The following RBMS3 variants were observed in gnomAD, a reference collection of about 807,000 sequenced individuals.
RBMS3 encodes the protein RNA-binding motif, single-stranded-interacting protein 3.
RBMS3 carries 27 observed loss-of-function variants against 66.8 expected under a neutral mutation model. The observed-to-expected ratio is 0.40, with a 90% CI of 0.30 to 0.56. RBMS3 has a LOEUF of 0.56. RBMS3 is among the 20% of genes least tolerant of loss of function. RBMS3 has a pLI of 0.40. For missense variants in RBMS3, 513 were observed against 549.5 expected (o/e 0.93, Z 0.66); for synonymous variants, 188 against 183.0 (o/e 1.03, Z -0.22).
chr3:29,724,537 C>T (rs10510625), intron 4 of RBMS3, among the ~76,000 whole-genome samples: 33,128 of 151,994 alleles, frequency 0.22, 4,448 homozygotes, highest in African/African-American at 0.37. Flanking sequence ...ATTACATGTT[C>T]ACAGCTCATG....
At chr3:29,548,745 C>T (rs2046069905) in intron 3 of RBMS3, among the ~76,000 whole-genome samples, 1 of 151,942 alleles carries the variant, frequency 6.6e-6, no homozygotes, top group Non-Finnish European at 1.5e-5. Context: ...CAGTCCTCAA[C>T]ATCCAACTCT....
chr3:29,968,269 C>T (rs1393978697), intron 12 of RBMS3, among the ~76,000 whole-genome samples: 1 of 152,182 alleles, frequency 6.6e-6, no homozygotes, highest in Non-Finnish European at 1.5e-5. Context: ...GGCTTTCTGC[C>T]TCCCAGCTGC....
intron 8 of RBMS3, among the ~76,000 whole-genome samples, chr3:29,885,623 A>G (rs1224228440): frequency 6.6e-6 from 1 of 151,956 alleles, no homozygotes; most frequent in African/African-American, 2.4e-5. Context: ...TTATAAATTT[A>G]TATTGGAAAT....
intron 3 of RBMS3, among the ~76,000 whole-genome samples, chr3:29,552,111 G>A (rs2046199295): frequency 6.6e-6 from 1 of 152,138 alleles, no homozygotes; most frequent in African/African-American, 2.4e-5. Flanking sequence ...TGAAAATCAA[G>A]TTTAAAAATA....
chr3:29,722,324 A>T (rs569214760), intron 4 of RBMS3, among the ~76,000 whole-genome samples: 1 of 152,150 alleles, frequency 6.6e-6, no homozygotes, highest in East Asian at 1.9e-4. Context: ...CTCTATTAAT[A>T]TATACATATT....
intron 4 of RBMS3, among the ~76,000 whole-genome samples, chr3:29,686,978 A>G (rs2051760413): frequency 6.6e-6 from 1 of 152,182 alleles, no homozygotes; most frequent in Admixed American, 6.5e-5. Context: ...AATGGCAGGT[A>G]CTGGCTAGAT....
chr3:29,505,506 G>GTTTTTTTTTTTTTT (rs749285833), intron 3 of RBMS3, among the ~76,000 whole-genome samples: 1 of 107,294 alleles, frequency 9.3e-6, no homozygotes, highest in African/African-American at 3.5e-5. Context: ...CTTCAATTTT[G>GTTTTTTTTTTTTTT]TTTTTTTTTT....
chr3:29,388,074 C>A (rs1473340256), intron 1 of RBMS3, among the ~76,000 whole-genome samples: 1 of 118,072 alleles, frequency 8.5e-6, no homozygotes, highest in Admixed American at 9.6e-5. Flanking sequence ...AAACTGTCTA[C>A]ACACACACAG....
chr3:29,400,983 G>T (rs553951203), intron 1 of RBMS3, among the ~76,000 whole-genome samples: 2 of 152,168 alleles, frequency 1.3e-5, no homozygotes, highest in African/African-American at 2.4e-5. Flanking sequence ...ACCATGGAAG[G>T]TTTTAGGATA....
intron 4 of RBMS3, among the ~76,000 whole-genome samples, chr3:29,593,459 A>G (rs2047831064): frequency 6.6e-6 from 1 of 152,190 alleles, no homozygotes; most frequent in Admixed American, 6.5e-5. Context: ...GGAAGGAAAG[A>G]GGCATTGTTC....
chr3:29,384,462 G>GAAGAAGAAGAAGA (rs1427872812), intron 1 of RBMS3, among the ~76,000 whole-genome samples: 6 of 151,542 alleles, frequency 4.0e-5, no homozygotes, highest in Admixed American at 6.6e-5. Context: ...AGAAGAAGAA[G>GAAGAAGAAGAAGA]AAGAATCCAG....
intron 6 of RBMS3, among the ~76,000 whole-genome samples, chr3:29,831,315 C>T (rs1046440964): frequency 2.6e-5 from 4 of 152,114 alleles, no homozygotes; most frequent in Non-Finnish European, 2.9e-5. Context: ...AGTTACAGCC[C>T]TGCTTTTCTT....
chr3:29,694,251 CT>C (rs1267676236), intron 4 of RBMS3, among the ~76,000 whole-genome samples: 1 of 152,110 alleles, frequency 6.6e-6, no homozygotes, highest in African/African-American at 2.4e-5. Flanking sequence ...ATTATGTCAT[CT>C]TTTTGTCACA....
intron 1 of RBMS3, among the ~76,000 whole-genome samples, chr3:29,312,268 A>AT (rs1278801216): frequency 3.7e-5 from 5 of 135,198 alleles, no homozygotes; most frequent in East Asian, 2.1e-4. Context: ...ACAGCCAGTT[A>AT]TTTTTTTCTA....
At chr3:29,623,942 C>G (rs963386063) in intron 4 of RBMS3, among the ~76,000 whole-genome samples, 5 of 152,068 alleles carry the variant, frequency 3.3e-5, no homozygotes, top group African/African-American at 1.2e-4. Flanking sequence ...GTATAGTTTA[C>G]TAGAATTATG....
chr3:29,728,211 A>AG (rs938327292), intron 4 of RBMS3, among the ~76,000 whole-genome samples: 1 of 129,304 alleles, frequency 7.7e-6, no homozygotes, highest in East Asian at 2.6e-4. Flanking sequence ...CTGTTGGGGC[A>AG]GGGGGGTAAG....
chr3:29,848,226 C>A (rs2058838839), intron 6 of RBMS3, among the ~76,000 whole-genome samples: 1 of 152,172 alleles, frequency 6.6e-6, no homozygotes, highest in South Asian at 2.1e-4. Context: ...AGCCAGCGCA[C>A]CTGGACAGTC....
intron 1 of RBMS3, among the ~76,000 whole-genome samples, chr3:29,420,581 T>TTTTGC (rs1335210841): frequency 6.6e-6 from 1 of 151,740 alleles, no homozygotes; most frequent in Non-Finnish European, 1.5e-5. Context: ...TTTTGTTTTG[T>TTTTGC]TTTGTTTTTA....
intron 14 of RBMS3, among the ~76,000 whole-genome samples, chr3:29,998,540 G>A (rs1351876697): frequency 6.6e-6 from 1 of 152,114 alleles, no homozygotes; most frequent in Non-Finnish European, 1.5e-5. Context: ...AGTAACCAAA[G>A]CAGCATGGTA....
Sources: allele counts gnomAD v4.1 joint callset (sites outside exome capture counted in the v4.1 genomes callset), GRCh38; gene constraint gnomAD v4.1.1; transcripts MANE v1.5; gene names NCBI Gene and HGNC (gene_info 2026-07-23, HGNC 2026-07-21).